The following KIF2A variants were observed in gnomAD, a reference collection of about 807,000 sequenced individuals.
KIF2A encodes the protein kinesin family member 2A, also known as kinesin-like protein KIF2A.
A neutral mutation model predicts 100.2 loss-of-function variants in KIF2A; 22 were observed. That is an observed-to-expected ratio of 0.22 (90% CI 0.16 to 0.31). The LOEUF is 0.31. KIF2A is among the 10% of genes least tolerant of loss of function. The probability of loss-of-function intolerance (pLI) is 1.00; values close to 1 mark genes in which losing one functional copy is unlikely to be tolerated. For missense variants in KIF2A, 495 were observed against 898.7 expected (o/e 0.55, Z 5.74); for synonymous variants, 268 against 285.9 (o/e 0.94, Z 0.63).
rs1350225962 is a variant in KIF2A, at chr5:62,353,263, T to A, written c.458-12T>A. 1 of 1,484,286 alleles carries A rather than the reference T, an allele frequency of 6.7e-7. No individual in the cohort carries two copies. The highest frequency in any genetic ancestry group is 2.4e-5 in the East Asian group (1 of 42,186). 91.9% of individuals were successfully genotyped at this position (1,484,286 alleles called of 1,614,324 possible). On this transcript the variant is annotated splice_polypyrimidine_tract_variant and intron_variant, in intron 5 of 20. Coordinates refer to ENST00000407818, the MANE Select transcript of KIF2A (RefSeq NM_001098511.3). ...GAAAACTATACTTCTACAGCTCATC[T>A]TTTCTTTTCAGCACGTAGAAAATCT...
At position 62,357,678 on chromosome 5, in the gene KIF2A, T is replaced by C. The variant is rs762670010; in HGVS notation, c.655-13T>C. The stretch of plus-strand genomic sequence containing the variant: ...ACTAATAATCACTGAAATAAAATAC[T>C]TTTTATTTCTAGATTGATGAACATA... On this transcript the variant is annotated splice_polypyrimidine_tract_variant and intron_variant, in intron 7 of 20. Transcript: ENST00000407818. The C allele has an allele frequency of 2.8e-6, 4 of 1,423,254 alleles. No homozygotes were observed. The South Asian group carries it at 3.8e-5, about 13-fold the overall frequency. 88.2% of individuals were successfully genotyped at this position (1,423,254 alleles called of 1,614,324 possible).
chr5:62,334,527 CCCTCTTCCTCTT>C (rs1038971677), intron 1 of KIF2A, among the ~76,000 whole-genome samples: 4 of 142,842 alleles, frequency 2.8e-5, no homozygotes, highest in Non-Finnish European at 6.1e-5. Context: ...CTCTTCCTCC[CCCTCTTCCTCTT>C]CCTTCTCCTA....
At chr5:62,372,044 G>T (rs547804224) in intron 16 of KIF2A, among the ~76,000 whole-genome samples, 1 of 152,292 alleles carries the variant, frequency 6.6e-6, no homozygotes, top group East Asian at 1.9e-4. Flanking sequence ...GTCCTGTTTG[G>T]AAAAGACTGC....
chr5:62,389,485 CAAA>C lies in KIF2A; in HGVS notation c.*3930_*3932del, dbSNP rs775533413. Among the ~76,000 whole-genome samples the C allele has an allele frequency of 7.9e-5, 6 of 75,904 alleles. No individual in the cohort carries two copies. Among genetic ancestry groups the C allele is most frequent in the Admixed American group, 3.1e-4 (2 of 6,482 alleles). The allele number at this position is 75,904 out of a possible 152,430, so 49.8% of individuals were successfully genotyped here. The stretch of plus-strand genomic sequence containing the variant: ...TGGGTGACAGAGCAAGACTCTGTCT[CAAA>C]AAAAAAAAAAAAAGAAATGTTATTG... On this transcript the variant is annotated 3_prime_UTR_variant, in exon 21 of 21. Coordinates refer to ENST00000407818, the MANE Select transcript of KIF2A (RefSeq NM_001098511.3).
intron 18 of KIF2A, among the ~76,000 whole-genome samples, chr5:62,376,231 AGT>A (rs559485477): frequency 4.6e-5 from 7 of 152,126 alleles, no homozygotes; most frequent in South Asian, 4.1e-4. Flanking sequence ...TGTTTGAGAG[AGT>A]GTGCATTTCT....
intron 6 of KIF2A, 101 bp from the exon 7 acceptor site, chr5:62,355,058 A>T (rs1292405258): frequency 8.1e-6 from 5 of 617,002 alleles, no homozygotes; most frequent in Non-Finnish European, 1.1e-5. Flanking sequence ...AGGCTTGGTT[A>T]TGACAAATGG....
Position 62,311,590 on chromosome 5 carries a change from T to C in KIF2A, c.64+5054T>C, listed in dbSNP as rs185433827. On this transcript the variant is annotated intron_variant, in intron 1 of 20. Coordinates refer to ENST00000407818, the MANE Select transcript of KIF2A (RefSeq NM_001098511.3). ...CTAATTCTTTATATGCTTTGCCACA[T>C]TTTTCTTCTGCTAGTTCATCTTTAC... Among the ~76,000 whole-genome samples, 867 of 152,296 alleles carry C rather than the reference T, an allele frequency of 5.7e-3. 2 individuals carry two copies. The highest frequency in any genetic ancestry group is 0.017 in the Middle Eastern group (5 of 294).
At position 62,361,877 on chromosome 5, in the gene KIF2A, CTT is replaced by C. The variant is rs1294585807; in HGVS notation, c.1027+349_1027+350del. Among the ~76,000 whole-genome samples, 127 of 151,198 alleles carry C rather than the reference CTT, an allele frequency of 8.4e-4. 2 individuals are homozygous for C. Among genetic ancestry groups the C allele is most frequent in the Non-Finnish European group, 8.1e-4 (55 of 67,786 alleles). On this transcript the variant is annotated intron_variant, in intron 11 of 20. Coordinates refer to ENST00000407818, the MANE Select transcript of KIF2A (RefSeq NM_001098511.3). The stretch of plus-strand genomic sequence containing the variant: ...TCTCTACTAAAAATACAAAAAAAAA[CTT>C]AGCCAGGCGTGGTGGCGGGCGCCTG...
chr5:62,338,095 T>C (rs1361683922), intron 1 of KIF2A, among the ~76,000 whole-genome samples: 1 of 152,220 alleles, frequency 6.6e-6, no homozygotes, highest in African/African-American at 2.4e-5. Context: ...TAAGCAAAGC[T>C]ATAATACTAA....
intron 20 of KIF2A, among the ~76,000 whole-genome samples, chr5:62,384,908 C>G (rs971311474): frequency 6.6e-6 from 1 of 152,112 alleles, no homozygotes; most frequent in South Asian, 2.1e-4. Context: ...TTTGGGAGGC[C>G]AAGGCGGGCA....
chr5:62,321,722 G>T (rs886311173), intron 1 of KIF2A, among the ~76,000 whole-genome samples: 10 of 151,812 alleles, frequency 6.6e-5, no homozygotes, highest in African/African-American at 2.4e-4. Flanking sequence ...ACCACATCCG[G>T]TCGATTTTTA....
rs1292930533 is a variant in KIF2A at position 62,374,436 on chromosome 5, T to G, written c.1911+599T>G. On this transcript the variant is annotated intron_variant, in intron 18 of 20. Transcript: ENST00000407818. The stretch of plus-strand genomic sequence containing the variant: ...TTAAGGAAGTTTCCAACTCCCAATC[T>G]AAACCATTCATTTTTTTCCCTTAGA... Among the ~76,000 whole-genome samples, 5 of 152,162 alleles carry G rather than the reference T, an allele frequency of 3.3e-5. No homozygotes were observed. In the East Asian group the frequency reaches 9.6e-4, roughly 29 times the overall value.
chr5:62,355,181 A>C lies in KIF2A; in HGVS notation c.581A>C (p.Asn194Thr), dbSNP rs1330803835. Residue 194 changes from asparagine to threonine, a missense_variant, in exon 7 of 21, where the codon AAT becomes ACT. By Grantham distance (65) the Asn-to-Thr change is moderately conservative. Coordinates refer to ENST00000407818, the MANE Select transcript of KIF2A (RefSeq NM_001098511.3). Reference sequence around the variant, plus strand: ...TAGGACGTTGATGCTACAAACCCAAATTATGAAATTATGTGTATGATCAGA... The same window carrying C: ...TAGGACGTTGATGCTACAAACCCAACTTATGAAATTATGTGTATGATCAGA... ...RAQDVDATNP[N>T]YEIMCMIRDF... The C allele has an allele frequency of 6.3e-7, 1 of 1,585,902 alleles. No homozygotes were observed. Among genetic ancestry groups the C allele is most frequent in the South Asian group, 1.1e-5 (1 of 89,436 alleles).
At chr5:62,378,343 CATG>C (rs769391188) in intron 19 of KIF2A, among the ~76,000 whole-genome samples, 3 of 152,058 alleles carry the variant, frequency 2.0e-5, no homozygotes, top group African/African-American at 4.8e-5. Context: ...AATGTCCTAT[CATG>C]GTGATATTTG....
At chr5:62,369,259 T>A (rs1475716785) in intron 16 of KIF2A, among the ~76,000 whole-genome samples, 1 of 152,130 alleles carries the variant, frequency 6.6e-6, no homozygotes, top group Admixed American at 6.5e-5. Flanking sequence ...GACTGGGTAA[T>A]TTATGAAGGT....
chr5:62,358,341 A>T, intron 9 of KIF2A, 42 bp downstream of exon 9: 1 of 1,396,576 alleles, frequency 7.2e-7, no homozygotes. Context: ...TTCTTATGCC[A>T]TGTGGTCATC....
chr5:62,368,669 TGGG>T (rs1161092495), intron 16 of KIF2A, among the ~76,000 whole-genome samples: 2 of 151,898 alleles, frequency 1.3e-5, no homozygotes, highest in Non-Finnish European at 2.9e-5. Flanking sequence ...CCCAGCCACT[TGGG>T]GGGCTGAGGT....
intron 1 of KIF2A, among the ~76,000 whole-genome samples, chr5:62,329,525 T>G (rs1335059318): frequency 6.6e-6 from 1 of 152,222 alleles, no homozygotes; most frequent in East Asian, 1.9e-4. Flanking sequence ...CAGTTACTGG[T>G]CAGTGGCACC....
intron 1 of KIF2A, among the ~76,000 whole-genome samples, chr5:62,327,291 C>T (rs1005288688): frequency 2.0e-5 from 3 of 152,134 alleles, no homozygotes; most frequent in Non-Finnish European, 4.4e-5. Flanking sequence ...CATTATTGCT[C>T]TGCCTGAAAA....
Sources: allele counts gnomAD v4.1 joint callset (sites outside exome capture counted in the v4.1 genomes callset), GRCh38; gene constraint gnomAD v4.1.1; transcripts MANE v1.5; gene names NCBI Gene and HGNC (gene_info 2026-07-23, HGNC 2026-07-21).